The following ZNRF2 variants were observed in gnomAD, a reference collection of about 807,000 sequenced individuals.
The protein encoded by ZNRF2 is zinc and ring finger 2.
Under a neutral mutation model 20.4 loss-of-function variants are expected in ZNRF2, and 16 were observed. The ratio of observed to expected loss-of-function variants is 0.79; its 90% confidence interval spans 0.53 to 1.19. The LOEUF (loss-of-function observed/expected upper bound fraction) is 1.19. Among genes scored for constraint, ZNRF2 ranks in the 50% most tolerant of loss-of-function variants. The probability of loss-of-function intolerance (pLI) is 0.00; values close to 1 mark genes in which losing one functional copy is unlikely to be tolerated. For synonymous variants in ZNRF2, 178 were observed against 144.9 expected (o/e 1.23, Z -1.64); for missense variants, 363 against 332.4 (o/e 1.09, Z -0.72).
intron 2 of ZNRF2, among the ~76,000 whole-genome samples, chr7:30,347,505 A>G (rs1270006920): frequency 1.3e-5 from 2 of 152,172 alleles, no homozygotes; most frequent in South Asian, 2.1e-4. Flanking sequence ...GTGAAAAGAA[A>G]TAAACCTTTT....
At chr7:30,290,407 C>CCA (rs1798879739) in intron 1 of ZNRF2, among the ~76,000 whole-genome samples, 1 of 152,172 alleles carries the variant, frequency 6.6e-6, no homozygotes, top group South Asian at 2.1e-4. Flanking sequence ...AGACTGCAGT[C>CCA]AAAGTGTAGG....
chr7:30,333,364 T>C (rs904727841), intron 2 of ZNRF2, among the ~76,000 whole-genome samples: 14 of 133,372 alleles, frequency 1.0e-4, no homozygotes, highest in African/African-American at 3.6e-4. Flanking sequence ...ATATTTTGAC[T>C]TTTTTTTTTT....
intron 4 of ZNRF2, among the ~76,000 whole-genome samples, chr7:30,363,294 T>C (rs766238001): frequency 4.6e-5 from 7 of 152,188 alleles, no homozygotes. Context: ...CCAGGTGTTG[T>C]TGTAAGCATT....
intron 4 of ZNRF2, among the ~76,000 whole-genome samples, chr7:30,363,643 T>G (rs1195605471): frequency 6.6e-6 from 1 of 152,160 alleles, no homozygotes; most frequent in Non-Finnish European, 1.5e-5. Flanking sequence ...AGTTGCATTT[T>G]ACGACTGAAA....
intron 1 of ZNRF2, among the ~76,000 whole-genome samples, chr7:30,297,781 A>T (rs1799041853): frequency 1.3e-5 from 2 of 151,272 alleles, no homozygotes; most frequent in Non-Finnish European, 1.5e-5. Context: ...GATGTTGTAC[A>T]CCTAGAGTAA....
At chr7:30,299,454 G>A (rs191026834) in intron 1 of ZNRF2, among the ~76,000 whole-genome samples, 329 of 150,958 alleles carry the variant, frequency 2.2e-3, no homozygotes, top group Non-Finnish European at 3.6e-3. Flanking sequence ...TGCAAAAAAA[G>A]TGAAAGTCAC....
At chr7:30,294,124 T>A (rs1274547945) in intron 1 of ZNRF2, among the ~76,000 whole-genome samples, 2 of 152,182 alleles carry the variant, frequency 1.3e-5, no homozygotes, top group Non-Finnish European at 2.9e-5. Context: ...CACATTTTGC[T>A]ATTTTTGTTG....
At chr7:30,347,206 C>T (rs961087601) in intron 2 of ZNRF2, among the ~76,000 whole-genome samples, 1 of 152,076 alleles carries the variant, frequency 6.6e-6, no homozygotes, top group East Asian at 1.9e-4. Context: ...CTCTCATTAC[C>T]TATGTCGGTC....
chr7:30,355,866 A>G (rs1800028839), intron 3 of ZNRF2, 33 bp downstream of exon 3: 2 of 1,538,346 alleles, frequency 1.3e-6, no homozygotes, highest in Non-Finnish European at 1.8e-6. Flanking sequence ...AGAGTAAAAG[A>G]TTGTTCTCAC....
rs1483850063 is a variant in ZNRF2 at position 30,307,293 on chromosome 7, C to A, written c.470-16349C>A. 1.2e-4 allele frequency among the ~76,000 whole-genome samples: 9 copies of A among 73,406 alleles called. 1 individual carries two copies. The highest frequency in any genetic ancestry group is 8.3e-4 in the Admixed American group (6 of 7,242). 48.2% of individuals were successfully genotyped at this position (73,406 alleles called of 152,430 possible). A position where few individuals can be genotyped will look rare whatever the true frequency, so the allele number is the denominator to read the frequency against. On this transcript the variant is annotated intron_variant, in intron 1 of 4. Coordinates refer to ENST00000323037, the MANE Select transcript of ZNRF2 (RefSeq NM_147128.4). ...TGATGTTTTTCTTGGAGCTTGCATTCTCTTTTTTGTCTTCTTTCTGCTGTT... is the reference window on the plus strand; with the variant it reads ...TGATGTTTTTCTTGGAGCTTGCATTATCTTTTTTGTCTTCTTTCTGCTGTT...
chr7:30,345,002 A>G (rs1445072438), intron 2 of ZNRF2, among the ~76,000 whole-genome samples: 2 of 152,120 alleles, frequency 1.3e-5, no homozygotes, highest in Non-Finnish European at 2.9e-5. Context: ...TTTTGCCAGA[A>G]TGCCCAAAGA....
At chr7:30,307,295 CTTTT>C (rs759567394) in intron 1 of ZNRF2, among the ~76,000 whole-genome samples, 1 of 53,876 alleles carries the variant, frequency 1.9e-5, no homozygotes, top group Admixed American at 1.9e-4. Flanking sequence ...CTTGCATTCT[CTTTT>C]TTGTCTTCTT....
rs866389016 is a variant in ZNRF2 at position 30,284,612 on chromosome 7, G to A, written c.-746G>A. 78 of 153,396 alleles carry A rather than the reference G, an allele frequency of 5.1e-4. No homozygotes were observed. The highest frequency in any genetic ancestry group is 1.0e-3 in the Admixed American group (16 of 15,302). The allele number at this position is 153,396 out of a possible 1,614,324, so 9.5% of individuals were successfully genotyped here. ...CGCGCGACCCAAACACACGGGCCGG[G>A]CGCACCCTGCAGCCGCGCCGCTCCG... On this transcript the variant is annotated 5_prime_UTR_variant, in exon 1 of 5. Transcript: ENST00000323037.
intron 2 of ZNRF2, among the ~76,000 whole-genome samples, chr7:30,329,842 A>G (rs1046912739): frequency 1.3e-5 from 2 of 152,148 alleles, no homozygotes; most frequent in African/African-American, 4.8e-5. Context: ...TTGCTGGATC[A>G]TATGGTAGTT....
intron 4 of ZNRF2, among the ~76,000 whole-genome samples, chr7:30,364,044 G>A (rs1214709470): frequency 2.6e-5 from 4 of 152,122 alleles, no homozygotes; most frequent in Non-Finnish European, 4.4e-5. Context: ...GACGTCCAGA[G>A]GTCTAGTCCT....
At chr7:30,288,109 C>T (rs1190891162) in intron 1 of ZNRF2, among the ~76,000 whole-genome samples, 2 of 152,126 alleles carry the variant, frequency 1.3e-5, no homozygotes, top group African/African-American at 2.4e-5. Flanking sequence ...ACAATAGAAG[C>T]ATGTTTCTCA....
At chr7:30,321,599 A>T (rs1799470848) in intron 1 of ZNRF2, among the ~76,000 whole-genome samples, 1 of 152,022 alleles carries the variant, frequency 6.6e-6, no homozygotes, top group African/African-American at 2.4e-5. Flanking sequence ...AGGCAGTTGG[A>T]TGGCTCTCAA....
intron 1 of ZNRF2, among the ~76,000 whole-genome samples, chr7:30,316,031 G>A (rs926141151): frequency 2.6e-5 from 4 of 152,048 alleles, no homozygotes; most frequent in Non-Finnish European, 5.9e-5. Context: ...GCTCACACCT[G>A]TAATCCCAGC....
intron 1 of ZNRF2, among the ~76,000 whole-genome samples, chr7:30,291,708 A>G (rs888342073): frequency 4.6e-5 from 7 of 152,222 alleles, no homozygotes; most frequent in African/African-American, 1.4e-4. Flanking sequence ...ATAGAAGTAT[A>G]CTTTAAGTGG....
Sources: allele counts gnomAD v4.1 joint callset (sites outside exome capture counted in the v4.1 genomes callset), GRCh38; gene constraint gnomAD v4.1.1; transcripts MANE v1.5; gene names NCBI Gene and HGNC (gene_info 2026-07-23, HGNC 2026-07-21).